The following TCP11L1 variants were observed in gnomAD, a reference collection of about 807,000 sequenced individuals.
TCP11L1 encodes the protein T-complex protein 11-like protein 1.
Under a neutral mutation model 48.9 loss-of-function variants are expected in TCP11L1, and 28 were observed. The ratio of observed to expected loss-of-function variants is 0.57; its 90% CI spans 0.42 to 0.78. The LOEUF is 0.78. Among genes scored for constraint, TCP11L1 ranks in the 30% least tolerant of loss-of-function variants. The pLI is 0.00. For synonymous variants in TCP11L1, 204 were observed against 231.9 expected (o/e 0.88, Z 1.09); for missense variants, 505 against 613.4 (o/e 0.82, Z 1.87).
At chr11:33,040,291 T>A (rs904582934) in intron 1 of TCP11L1, 1 of 152,152 alleles carries the variant, frequency 6.6e-6, no homozygotes, top group Non-Finnish European at 1.5e-5. Flanking sequence ...AATTAAATGG[T>A]TCGTGGCCGC....
At chr11:33,064,859 C>T (rs1429331205) in intron 7 of TCP11L1, among the ~76,000 whole-genome samples, 1 of 152,194 alleles carries the variant, frequency 6.6e-6, no homozygotes, top group African/African-American at 2.4e-5. Flanking sequence ...CAGGCATAAT[C>T]GTAGTGCACT....
At chr11:33,069,102 G>A (rs1371762182) in intron 9 of TCP11L1, among the ~76,000 whole-genome samples, 1 of 152,142 alleles carries the variant, frequency 6.6e-6, no homozygotes, top group African/African-American at 2.4e-5. Context: ...GTGTCCCAGG[G>A]CAGCTTGGGC....
intron 2 of TCP11L1, among the ~76,000 whole-genome samples, chr11:33,048,181 T>G (rs1316145094): frequency 7.8e-6 from 1 of 127,394 alleles, no homozygotes; most frequent in Non-Finnish European, 1.7e-5. Context: ...CATGTATCTT[T>G]ACATTTTTTT....
At chr11:33,072,440 A>G in intron 9 of TCP11L1, 34 bp from the exon 10 acceptor site, 1 of 1,611,818 alleles carries the variant, frequency 6.2e-7, no homozygotes. Flanking sequence ...GGTGAAGGAC[A>G]AGAAACAACT....
At chr11:33,072,260 C>G (rs1230018855) in intron 9 of TCP11L1, among the ~76,000 whole-genome samples, 1 of 152,110 alleles carries the variant, frequency 6.6e-6, no homozygotes, top group African/African-American at 2.4e-5. Context: ...GAGCATGGCT[C>G]CTACCTTCAT....
chr11:33,045,668 G>A (rs963560064), intron 2 of TCP11L1, among the ~76,000 whole-genome samples: 1 of 152,146 alleles, frequency 6.6e-6, no homozygotes, highest in Admixed American at 6.5e-5. Context: ...TGGTTGGTTG[G>A]TTGTTGGGAT....
At chr11:33,046,893 T>C (rs1474984) in intron 2 of TCP11L1, among the ~76,000 whole-genome samples, 56,156 of 152,134 alleles carry the variant, frequency 0.37, 10,534 homozygotes, top group East Asian at 0.45. Context: ...AGAACATTTA[T>C]TGTTTTAAAT....
Position 33,068,677 on chromosome 11 carries a change from T to C in TCP11L1, c.1155-10T>C. The C allele has an allele frequency of 6.2e-7, 1 of 1,612,792 alleles. No individual in the cohort carries two copies. The highest frequency in any genetic ancestry group is 8.5e-7 in the Non-Finnish European group (1 of 1,178,940). ...TACTTATAGGCCCTTTCTCCCCTCC[T>C]CTGCCCCAGCTCCTTCCATCTGAAG... On this transcript the variant is annotated splice_polypyrimidine_tract_variant and intron_variant, in intron 8 of 9. Coordinates refer to ENST00000334274, the MANE Select transcript of TCP11L1 (RefSeq NM_018393.4).
chr11:33,042,507 A>G (rs1853867635), intron 1 of TCP11L1, among the ~76,000 whole-genome samples: 1 of 152,054 alleles, frequency 6.6e-6, no homozygotes, highest in Non-Finnish European at 1.5e-5. Context: ...CTGATCAGCA[A>G]CTAATAAAAA....
rs2133756346 is a variant in TCP11L1, at chr11:33,072,927, A to T, written c.*251A>T. 3 of 484,140 alleles carry T rather than the reference A, an allele frequency of 6.2e-6. No individual in the cohort carries two copies. In the South Asian group the frequency reaches 6.4e-5, roughly 10 times the overall value. 30.0% of individuals were successfully genotyped at this position (484,140 alleles called of 1,614,324 possible). A position where few individuals can be genotyped will look rare whatever the true frequency, so the allele number is the denominator to read the frequency against. On this transcript the variant is annotated 3_prime_UTR_variant, in exon 10 of 10. Coordinates refer to ENST00000334274, the MANE Select transcript of TCP11L1 (RefSeq NM_018393.4). ...CATTTTGTTCTCGAGTTTTACAGGT[A>T]ACACTCAGCTGTTGTCTCCACTCCT...
At chr11:33,065,482 TG>T (rs749659663) in intron 7 of TCP11L1, among the ~76,000 whole-genome samples, 63 of 147,644 alleles carry the variant, frequency 4.3e-4, no homozygotes, top group Non-Finnish European at 8.3e-4. Context: ...AGGCTGGTCT[TG>T]AACTCCTGAC....
chr11:33,045,373 A>G (rs1477290043), intron 2 of TCP11L1, among the ~76,000 whole-genome samples: 3 of 141,620 alleles, frequency 2.1e-5, no homozygotes, highest in African/African-American at 7.7e-5. Context: ...AAAAAAAATT[A>G]GCTGAGCATG....
At chr11:33,044,502 A>C (rs910280340) in intron 2 of TCP11L1, among the ~76,000 whole-genome samples, 1 of 152,250 alleles carries the variant, frequency 6.6e-6, no homozygotes, top group African/African-American at 2.4e-5. Flanking sequence ...TCTTTTATGA[A>C]GAGTACCTTA....
intron 7 of TCP11L1, among the ~76,000 whole-genome samples, chr11:33,063,980 A>G (rs1011887584): frequency 6.6e-6 from 1 of 151,970 alleles, no homozygotes; most frequent in Non-Finnish European, 1.5e-5. Flanking sequence ...AGACCATCCA[A>G]TACCTCCCTT....
intron 5 of TCP11L1, 126 bp from the exon 6 acceptor site, chr11:33,058,833 C>T: frequency 5.1e-6 from 5 of 972,296 alleles, no homozygotes; most frequent in Non-Finnish European, 5.9e-6. Context: ...TGGGCTCAAG[C>T]AGTCCTCCCG....
Position 33,065,825 on chromosome 11 carries a change from T to G in TCP11L1, c.973-5T>G. 6.2e-7 allele frequency: 1 copy of G among 1,613,240 alleles called. No individual in the cohort carries two copies. On this transcript the variant is annotated splice_region_variant and splice_polypyrimidine_tract_variant and intron_variant, in intron 7 of 9. Coordinates refer to ENST00000334274, the MANE Select transcript of TCP11L1 (RefSeq NM_018393.4). ...CTCAGCGATGGCCTCTTCTATTCATTACAGACAGTTTTAATGGACCAGTCT... is the reference window on the plus strand; with the variant it reads ...CTCAGCGATGGCCTCTTCTATTCATGACAGACAGTTTTAATGGACCAGTCT...
chr11:33,050,675 C>CT (rs1854133256), intron 2 of TCP11L1, among the ~76,000 whole-genome samples: 2 of 152,152 alleles, frequency 1.3e-5, no homozygotes, highest in East Asian at 3.9e-4. Context: ...TTTTTATTTT[C>CT]TTAATAGAGT....
intron 8 of TCP11L1, among the ~76,000 whole-genome samples, chr11:33,067,071 A>G (rs181613881): frequency 1.3e-5 from 2 of 152,282 alleles, no homozygotes; most frequent in Admixed American, 1.3e-4. Flanking sequence ...GAAACCAGCT[A>G]TATTCCTGCA....
intron 6 of TCP11L1, among the ~76,000 whole-genome samples, chr11:33,059,686 G>T (rs1854415937): frequency 6.6e-6 from 1 of 152,170 alleles, no homozygotes; most frequent in Non-Finnish European, 1.5e-5. Context: ...TTCAATGTAT[G>T]ATGAATTCCA....
Sources: allele counts gnomAD v4.1 joint callset (sites outside exome capture counted in the v4.1 genomes callset), GRCh38; gene constraint gnomAD v4.1.1; transcripts MANE v1.5; gene names NCBI Gene and HGNC (gene_info 2026-07-23, HGNC 2026-07-21).